The following C3orf20 variants were observed in gnomAD, a reference collection of about 807,000 sequenced individuals.
The protein encoded by C3orf20 is family with sequence similarity 149 member C.
C3orf20 carries 76 observed loss-of-function variants against 88.3 expected under a neutral mutation model. That is an observed-to-expected ratio of 0.86 (90% CI 0.72 to 1.04). The LOEUF (loss-of-function observed/expected upper bound fraction) is 1.04. Ranked by LOEUF, C3orf20 falls within the 50% of genes least tolerant of loss-of-function variation. The probability of loss-of-function intolerance (pLI) is 0.00; values close to 1 mark genes in which losing one functional copy is unlikely to be tolerated. For synonymous variants in C3orf20, 436 were observed against 437.4 expected (o/e 1.00, Z 0.04); for missense variants, 1,056 against 1,123.3 (o/e 0.94, Z 0.86).
chr3:14,766,667 A>G (rs908859994), intron 15 of C3orf20, among the ~76,000 whole-genome samples: 1 of 152,166 alleles, frequency 6.6e-6, no homozygotes, highest in Admixed American at 6.5e-5. Flanking sequence ...AGCAGTGGGG[A>G]CGAGGTACAC....
chr3:14,704,618 A>C lies in C3orf20; in HGVS notation c.1160A>C (p.Tyr387Ser). ...YTFYDGSSFV[Y>S]YPSGNVAVCQ... ...TTCTATGATGGCTCCTCCTTCGTTT[A>C]GTATCCTTTTATTTGGTACCACCCT... The change falls in exon 7 of 17, where the codon TAC (tyrosine) becomes TCC (serine). Residue 387 changes from tyrosine to serine, a missense_variant and splice_region_variant. Coordinates refer to ENST00000253697, the MANE Select transcript of C3orf20 (RefSeq NM_032137.5). 3.1e-6 allele frequency: 5 copies of C among 1,612,650 alleles called. No homozygotes were observed. The highest frequency in any genetic ancestry group is 4.2e-6 in the Non-Finnish European group (5 of 1,179,934).
chr3:14,709,489 G>C (rs2033655068), intron 7 of C3orf20, among the ~76,000 whole-genome samples: 1 of 152,134 alleles, frequency 6.6e-6, no homozygotes, highest in Admixed American at 6.5e-5. Context: ...TTATTATGAT[G>C]TTAGTTGTGA....
At chr3:14,764,031 A>G (rs752923136) in intron 15 of C3orf20, among the ~76,000 whole-genome samples, 2 of 152,178 alleles carry the variant, frequency 1.3e-5, no homozygotes, top group Non-Finnish European at 2.9e-5. Flanking sequence ...AACTATACAC[A>G]TACATACAAA....
intron 14 of C3orf20, among the ~76,000 whole-genome samples, chr3:14,760,607 T>C (rs925388520): frequency 4.2e-3 from 6 of 1,418 alleles, no homozygotes; most frequent in Non-Finnish European, 0.011. Context: ...GTCTGTCTTC[T>C]TTTTTTTTTT....
At chr3:14,754,853 A>G (rs1559442136) in intron 12 of C3orf20, among the ~76,000 whole-genome samples, 1 of 151,962 alleles carries the variant, frequency 6.6e-6, no homozygotes, top group Non-Finnish European at 1.5e-5. Flanking sequence ...GCCTCCCAAG[A>G]AACTGGGACC....
intron 12 of C3orf20, among the ~76,000 whole-genome samples, chr3:14,742,677 G>A (rs1363058588): frequency 1.3e-5 from 2 of 152,256 alleles, no homozygotes; most frequent in Non-Finnish European, 2.9e-5. Flanking sequence ...TCATGCTGCT[G>A]ATAAAGACAT....
chr3:14,750,074 C>T (rs919426969), intron 12 of C3orf20, among the ~76,000 whole-genome samples: 1 of 151,624 alleles, frequency 6.6e-6, no homozygotes, highest in Non-Finnish European at 1.5e-5. Context: ...TTACCTTTAT[C>T]AGTGTTCTTT....
intron 4 of C3orf20, among the ~76,000 whole-genome samples, chr3:14,688,686 G>A (rs115330612): frequency 5.3e-5 from 8 of 151,966 alleles, no homozygotes; most frequent in East Asian, 1.9e-4. Context: ...TTTAGTTGAC[G>A]ACAATATCAT....
intron 12 of C3orf20, among the ~76,000 whole-genome samples, chr3:14,740,339 C>G (rs1050612027): frequency 1.3e-5 from 2 of 152,164 alleles, no homozygotes; most frequent in African/African-American, 4.8e-5. Flanking sequence ...GTTGGTGGAG[C>G]AGTTAGAACA....
intron 12 of C3orf20, among the ~76,000 whole-genome samples, chr3:14,741,795 C>A (rs2034907073): frequency 6.6e-6 from 1 of 152,202 alleles, no homozygotes; most frequent in African/African-American, 2.4e-5. Flanking sequence ...CTGAGAGTAG[C>A]AACTCAGGGC....
At chr3:14,726,785 AG>A in intron 10 of C3orf20, 115 bp from the exon 11 acceptor site, 4 of 1,404,860 alleles carry the variant, frequency 2.8e-6, no homozygotes, top group Non-Finnish European at 3.9e-6. Flanking sequence ...AGGTAGGGGT[AG>A]GGGGGCAGGC....
chr3:14,677,647 C>T (rs762578617), intron 1 of C3orf20, among the ~76,000 whole-genome samples: 6 of 151,990 alleles, frequency 3.9e-5, no homozygotes, highest in Admixed American at 2.0e-4. Context: ...ATTACAGGTG[C>T]GCACCAGCAC....
chr3:14,724,415 GC>G (rs2034278513), intron 10 of C3orf20, among the ~76,000 whole-genome samples: 1 of 152,064 alleles, frequency 6.6e-6, no homozygotes, highest in South Asian at 2.1e-4. Flanking sequence ...TACCCAACAA[GC>G]CCCTTAGGCC....
In C3orf20 at chr3:14,728,362, A is replaced by G; in HGVS notation, c.1691-77A>G. The stretch of plus-strand genomic sequence containing the variant: ...TGGGGGTGAGCCAAGGTGCACTTAG[A>G]TGTTTCCAGTCTGGGACCAGGGGCA... On this transcript the variant is annotated intron_variant, in intron 11 of 16. Coordinates refer to ENST00000253697, the MANE Select transcript of C3orf20 (RefSeq NM_032137.5). The G allele has an allele frequency of 3.2e-6, 5 of 1,578,588 alleles. No homozygotes were observed. The South Asian group carries it at 4.6e-5, about 15-fold the overall frequency.
Position 14,761,532 on chromosome 3 carries a change from C to G in C3orf20, c.2412C>G (p.Ser804Arg). 1.9e-6 allele frequency: 3 copies of G among 1,614,008 alleles called. No homozygotes were observed. Among genetic ancestry groups the G allele is most frequent in the East Asian group, 2.2e-5 (1 of 44,832 alleles). Residue 804 changes from serine (S) to arginine (R), a missense_variant, in exon 15 of 17, where the codon AGC becomes AGG. Coordinates refer to ENST00000253697, the MANE Select transcript of C3orf20 (RefSeq NM_032137.5). ...GTGTTTTGAATGGATATGGCCTCAGCAAGCAGAATCTGCTGAAACAGATCT... is the reference window on the plus strand; with the variant it reads ...GTGTTTTGAATGGATATGGCCTCAGGAAGCAGAATCTGCTGAAACAGATCT... The part of the protein sequence containing the change: ...GGRVLNGYGL[S>R]KQNLLKQIFR...
chr3:14,758,993 G>T (rs994452706), intron 13 of C3orf20, among the ~76,000 whole-genome samples: 4 of 152,196 alleles, frequency 2.6e-5, no homozygotes, highest in African/African-American at 9.7e-5. Context: ...CTTATTATGG[G>T]GCTAGTCGTT....
Position 14,772,321 on chromosome 3 carries a change from G to A in C3orf20, c.2630+120G>A, listed in dbSNP as rs1447566439. On this transcript the variant is annotated intron_variant, in intron 16 of 16. Transcript: ENST00000253697. This position sits in a 1 kb window ranked among gnomAD's most constrained non-coding sequence, Gnocchi z 4.2. ...GCCTGGGTCATGTCCAACCATCGCT[G>A]ACATCTAGCCCATGTAATCAACACA... is the stretch of plus-strand genomic sequence containing the variant. 1 of 1,192,226 alleles carries A rather than the reference G, an allele frequency of 8.4e-7. No individual in the cohort carries two copies. The allele number at this position is 1,192,226 out of a possible 1,614,324, so 73.9% of individuals were successfully genotyped here. A position where few individuals can be genotyped will look rare whatever the true frequency, so the allele number is the denominator to read the frequency against.
intron 1 of C3orf20, among the ~76,000 whole-genome samples, chr3:14,681,308 T>A (rs2032075394): frequency 6.6e-6 from 1 of 152,182 alleles, no homozygotes; most frequent in South Asian, 2.1e-4. Context: ...TTGGGGTGGC[T>A]CCAGAGGGTT....
chr3:14,683,551 C>T (rs532674513), intron 3 of C3orf20, among the ~76,000 whole-genome samples: 2 of 152,130 alleles, frequency 1.3e-5, no homozygotes, highest in Admixed American at 6.5e-5. Context: ...CAGACAGAGC[C>T]CAGTAGAGCC....
Sources: allele counts gnomAD v4.1 joint callset (sites outside exome capture counted in the v4.1 genomes callset), GRCh38; gene constraint gnomAD v4.1.1; non-coding constraint Gnocchi (gnomAD v3.1); transcripts MANE v1.5; gene names NCBI Gene and HGNC (gene_info 2026-07-23, HGNC 2026-07-21).